RBM27: variants seen among roughly 807,000 people sequenced by gnomAD.
The protein encoded by RBM27 is RNA-binding protein 27.
Under a neutral mutation model 135.3 loss-of-function variants are expected in RBM27, and 22 were observed. That is an observed-to-expected ratio of 0.16 (90% confidence interval 0.12 to 0.23). RBM27 has a LOEUF of 0.23. RBM27 is among the 10% of genes least tolerant of loss of function. The probability of loss-of-function intolerance (pLI) is 1.00; values close to 1 mark genes in which losing one functional copy is unlikely to be tolerated. For missense variants in RBM27, 1,009 were observed against 1,281.0 expected (o/e 0.79, Z 3.24); for synonymous variants, 481 against 442.4 (o/e 1.09, Z -1.10).
chr5:146,268,245 CTTT>C (rs35589922), intron 15 of RBM27, among the ~76,000 whole-genome samples: 3 of 142,238 alleles, frequency 2.1e-5, no homozygotes, highest in Non-Finnish European at 1.5e-5. Context: ...TTTCTTATTT[CTTT>C]TTTTTTTTTT....
chr5:146,281,330 G>C (rs188489456), intron 19 of RBM27, among the ~76,000 whole-genome samples: 4 of 152,086 alleles, frequency 2.6e-5, no homozygotes, highest in African/African-American at 9.7e-5. Flanking sequence ...AGTGCTTTTG[G>C]CCATGAGTTC....
At chr5:146,262,730 G>A (rs1235421613) in intron 13 of RBM27, among the ~76,000 whole-genome samples, 1 of 152,180 alleles carries the variant, frequency 6.6e-6, no homozygotes, top group Non-Finnish European at 1.5e-5. Context: ...GGTGAATAGT[G>A]TAGAAAAGAG....
chr5:146,255,558 G>A (rs1758067188), intron 10 of RBM27, among the ~76,000 whole-genome samples: 1 of 152,054 alleles, frequency 6.6e-6, no homozygotes, highest in Non-Finnish European at 1.5e-5. Flanking sequence ...ACATCTTTAA[G>A]TTAGGACCTT....
rs1561518319 is a variant in RBM27 at position 146,206,248 on chromosome 5, C to CT, written c.59+2432dup. 2.9e-5 allele frequency among the ~76,000 whole-genome samples: 4 copies of CT among 139,204 alleles called. 1 individual carries two copies. The highest frequency in any genetic ancestry group is 1.4e-4 in the Admixed American group (2 of 13,820). 91.3% of individuals were successfully genotyped at this position (139,204 alleles called of 152,430 possible). On this transcript the variant is annotated intron_variant, in intron 1 of 20. Transcript: ENST00000265271. ...TTAGCCTTATAGTTACTTGCTTTTT[C>CT]TTTTTTTTAAAGCTCCCTAAGATGT...
chr5:146,287,573 G>T lies in RBM27; in HGVS notation c.*1543G>T, dbSNP rs1238294202. 1.3e-5 allele frequency: 2 copies of T among 152,024 alleles called. No individual in the cohort carries two copies. The highest frequency in any genetic ancestry group is 2.4e-5 in the African/African-American group (1 of 41,394). 9.4% of individuals were successfully genotyped at this position (152,024 alleles called of 1,614,324 possible). ...CAAGGATTTTGTTTGCTGAGGTAAA[G>T]ACAATTTCTCAATATAGAAACTATT... On this transcript the variant is annotated 3_prime_UTR_variant, in exon 21 of 21. Transcript: ENST00000265271.
chr5:146,276,466 C>T (rs1215344111), intron 19 of RBM27, among the ~76,000 whole-genome samples: 1 of 152,182 alleles, frequency 6.6e-6, no homozygotes, highest in Non-Finnish European at 1.5e-5. Context: ...TCACTCCTGT[C>T]ATTCCTGGAA....
In RBM27 at chr5:146,203,678, G is replaced by T. The variant is rs997740089; in HGVS notation, c.-88G>T. 9.7e-6 allele frequency: 12 copies of T among 1,240,170 alleles called. No homozygotes were observed. The Admixed American group carries it at 2.4e-4, about 25-fold the overall frequency. The allele number at this position is 1,240,170 out of a possible 1,614,324, so 76.8% of individuals were successfully genotyped here. A position where few individuals can be genotyped will look rare whatever the true frequency, so the allele number is the denominator to read the frequency against. ...TGCCCGGTGGGCTGGGGCACCGGGA[G>T]CTGTGAAGGGAACGTGAGGGGGCGG... On this transcript the variant is annotated 5_prime_UTR_variant, in exon 1 of 21. Transcript: ENST00000265271.
chr5:146,224,242 T>G (rs953087272), intron 3 of RBM27, among the ~76,000 whole-genome samples: 2 of 152,196 alleles, frequency 1.3e-5, no homozygotes, highest in Non-Finnish European at 2.9e-5. Flanking sequence ...TGTATGTATG[T>G]GTGTATATAT....
chr5:146,275,304 C>T (rs560871230), intron 19 of RBM27, among the ~76,000 whole-genome samples: 5 of 151,772 alleles, frequency 3.3e-5, no homozygotes, highest in Non-Finnish European at 7.4e-5. Context: ...GAGTCTTGCT[C>T]TGTCGCCCAG....
chr5:146,228,278 C>CTTTTTT (rs201464624), intron 3 of RBM27, among the ~76,000 whole-genome samples: 7 of 116,850 alleles, frequency 6.0e-5, no homozygotes, highest in African/African-American at 1.0e-4. Context: ...AGGGACCATT[C>CTTTTTT]TTTCTTTTTT....
Position 146,286,051 on chromosome 5 carries a change from AT to A in RBM27, c.*26del, listed in dbSNP as rs35430886. On this transcript the variant is annotated 3_prime_UTR_variant, in exon 21 of 21. Coordinates refer to ENST00000265271, the MANE Select transcript of RBM27 (RefSeq NM_018989.2). ...GATGAAATCTGATGCTAGCTGTATA[AT>A]TTTTAGGAATATTGTTTAGAAGAAC... The A allele has an allele frequency of 3.2e-6, 5 of 1,569,402 alleles. No individual in the cohort carries two copies. Among genetic ancestry groups the A allele is most frequent in the South Asian group, 2.4e-5 (2 of 84,714 alleles).
At chr5:146,212,149 G>A (rs574218073) in intron 1 of RBM27, among the ~76,000 whole-genome samples, 5 of 144,022 alleles carry the variant, frequency 3.5e-5, no homozygotes, top group Non-Finnish European at 6.0e-5. Flanking sequence ...TCCGCCTCCC[G>A]GGTTCAAGTG....
At chr5:146,221,465 C>G (rs1243701268) in intron 2 of RBM27, among the ~76,000 whole-genome samples, 1 of 152,122 alleles carries the variant, frequency 6.6e-6, no homozygotes, top group Non-Finnish European at 1.5e-5. Context: ...CAGAGTTTCG[C>G]TCTTGTTGCC....
intron 19 of RBM27, among the ~76,000 whole-genome samples, chr5:146,278,706 G>A (rs1759198599): frequency 6.6e-6 from 1 of 151,768 alleles, no homozygotes; most frequent in Non-Finnish European, 1.5e-5. Context: ...CTGTATTGAT[G>A]GACATCCAAT....
At chr5:146,254,570 TAAAA>T (rs199585285) in intron 9 of RBM27, among the ~76,000 whole-genome samples, 1 of 148,848 alleles carries the variant, frequency 6.7e-6, no homozygotes, top group East Asian at 2.0e-4. Context: ...AAAATAAAAA[TAAAA>T]AAAAACCAGT....
chr5:146,258,681 T>C, intron 11 of RBM27, 88 bp downstream of exon 11: 1 of 1,234,102 alleles, frequency 8.1e-7, no homozygotes, highest in East Asian at 2.9e-5. Context: ...CATTAATTAA[T>C]GTTTTTCAAA....
chr5:146,220,485 A>T (rs1450672381), intron 2 of RBM27, among the ~76,000 whole-genome samples: 1 of 141,364 alleles, frequency 7.1e-6, no homozygotes, highest in Non-Finnish European at 1.5e-5. Context: ...AAAAAAAAAA[A>T]AAAAATATAT....
At chr5:146,279,662 G>T (rs1759247250) in intron 19 of RBM27, among the ~76,000 whole-genome samples, 1 of 151,540 alleles carries the variant, frequency 6.6e-6, no homozygotes, top group Non-Finnish European at 1.5e-5. Context: ...ACAAAAATTA[G>T]CTAGCTGTGG....
intron 9 of RBM27, among the ~76,000 whole-genome samples, chr5:146,252,480 T>A (rs1581201869): frequency 6.6e-6 from 1 of 152,224 alleles, no homozygotes. Flanking sequence ...TTCTGTGTAT[T>A]CCCAGGATTT....
Sources: allele counts gnomAD v4.1 joint callset (sites outside exome capture counted in the v4.1 genomes callset), GRCh38; gene constraint gnomAD v4.1.1; transcripts MANE v1.5; gene names NCBI Gene and HGNC (gene_info 2026-07-23, HGNC 2026-07-21).